Variants in COP1 observed in about 807,000 individuals in gnomAD.
COP1 encodes the protein E3 ubiquitin-protein ligase COP1.
A neutral mutation model predicts 101.3 loss-of-function variants in COP1; 24 were observed. That is an observed-to-expected ratio of 0.24 (90% CI 0.17 to 0.33). The LOEUF is 0.33. Among genes scored for constraint, COP1 ranks in the 10% least tolerant of loss-of-function variants. COP1 has a pLI of 1.00. For synonymous variants in COP1, 347 were observed against 341.9 expected (o/e 1.01, Z -0.17); for missense variants, 663 against 906.2 (o/e 0.73, Z 3.45).
intron 18 of COP1, among the ~76,000 whole-genome samples, chr1:175,973,653 A>G (rs1235072434): frequency 3.3e-5 from 5 of 152,222 alleles, no homozygotes; most frequent in East Asian, 1.9e-4. Flanking sequence ...AAATGTTCAA[A>G]TAACTTTGAA....
intron 11 of COP1, among the ~76,000 whole-genome samples, chr1:176,052,332 T>G (rs1672712786): frequency 6.6e-6 from 1 of 152,178 alleles, no homozygotes; most frequent in Non-Finnish European, 1.5e-5. Context: ...AATGACACAT[T>G]TTTCAGAATG....
chr1:176,135,341 G>A (rs1334142377), intron 7 of COP1, among the ~76,000 whole-genome samples: 1 of 151,928 alleles, frequency 6.6e-6, no homozygotes. Context: ...CATCATTAAT[G>A]AAGCCACCAC....
In COP1 at chr1:176,117,199, GCT is replaced by G. The variant is rs1411701382; in HGVS notation, c.969-520_969-519del. On this transcript the variant is annotated intron_variant, in intron 8 of 19. Coordinates refer to ENST00000367669, the MANE Select transcript of COP1 (RefSeq NM_022457.7). ...TATATATCATCTAGAGTCCCTCCCAGCTTCAAAATATTATAATCAAACCTCAT... is the reference window on the plus strand; with the variant it reads ...TATATATCATCTAGAGTCCCTCCCAGTCAAAATATTATAATCAAACCTCAT... Among the ~76,000 whole-genome samples, 4 of 152,170 alleles carry G rather than the reference GCT, an allele frequency of 2.6e-5. No individual in the cohort carries two copies. In the East Asian group the frequency reaches 7.7e-4, roughly 29 times the overall value.
intron 15 of COP1, among the ~76,000 whole-genome samples, chr1:176,015,851 G>A (rs1665533872): frequency 6.6e-6 from 1 of 152,164 alleles, no homozygotes; most frequent in South Asian, 2.1e-4. Flanking sequence ...GGTGGCAGAA[G>A]CCTTGGTGAA....
intron 1 of COP1, among the ~76,000 whole-genome samples, chr1:176,199,082 C>A (rs1290104090): frequency 6.6e-6 from 1 of 152,076 alleles, no homozygotes; most frequent in African/African-American, 2.4e-5. Context: ...CTTTGGGAGG[C>A]CGAGGCGTGG....
chr1:176,144,637 C>T (rs1267021273), intron 6 of COP1, among the ~76,000 whole-genome samples: 3 of 152,062 alleles, frequency 2.0e-5, no homozygotes, highest in African/African-American at 7.2e-5. Flanking sequence ...AGAACAGCAA[C>T]TTAATTCAAA....
chr1:176,104,902 A>G (rs1299028396), intron 9 of COP1, among the ~76,000 whole-genome samples: 1 of 152,198 alleles, frequency 6.6e-6, no homozygotes, highest in Non-Finnish European at 1.5e-5. Context: ...TCATTATATA[A>G]CAAAGTGATT....
rs180896946 is a variant in COP1 at position 176,060,191 on chromosome 1, T to G, written c.1278-13867A>C. 1.0e-3 allele frequency among the ~76,000 whole-genome samples: 159 copies of G among 152,356 alleles called. 1 individual carries two copies. The highest frequency in any genetic ancestry group is 3.7e-3 in the African/African-American group (154 of 41,584). ...AACTACTTTAAAAAAATTTACTTTC[T>G]TATTCCCTCTGGCTATCATTGAATA... is the stretch of plus-strand genomic sequence containing the variant. On this transcript the variant is annotated intron_variant, in intron 11 of 19. Coordinates refer to ENST00000367669, the MANE Select transcript of COP1 (RefSeq NM_022457.7).
rs73040924 is a variant in COP1, at chr1:176,073,859, T to A, written c.1277+7293A>T. ...TGACCAACATTATGTCATGCAATTT[T>A]ACAGTAAGAATAATTATCTCTTCTA... is the stretch of plus-strand genomic sequence containing the variant. On this transcript the variant is annotated intron_variant, in intron 11 of 19. Coordinates refer to ENST00000367669, the MANE Select transcript of COP1 (RefSeq NM_022457.7). Among the ~76,000 whole-genome samples the A allele has an allele frequency of 4.4e-3, 669 of 152,360 alleles. 3 individuals are homozygous for A. Among genetic ancestry groups the A allele is most frequent in the African/African-American group, 0.015 (608 of 41,582 alleles).
chr1:176,111,363 G>C (rs980160312), intron 9 of COP1, among the ~76,000 whole-genome samples: 1 of 151,956 alleles, frequency 6.6e-6, no homozygotes, highest in South Asian at 2.1e-4. Context: ...GCATGATCTT[G>C]GCTCACTGCA....
chr1:175,974,011 G>A (rs2148629658), intron 18 of COP1, among the ~76,000 whole-genome samples: 1 of 152,234 alleles, frequency 6.6e-6, no homozygotes, highest in Non-Finnish European at 1.5e-5. Context: ...AGAGGGAGGT[G>A]GGGGCCTGAT....
intron 18 of COP1, among the ~76,000 whole-genome samples, chr1:175,984,165 C>G (rs1395553805): frequency 4.6e-5 from 7 of 152,182 alleles, no homozygotes; most frequent in Admixed American, 4.6e-4. Flanking sequence ...TTCAGAGCAA[C>G]CCCTCCCATC....
intron 3 of COP1, among the ~76,000 whole-genome samples, chr1:176,168,292 C>T (rs1409625988): frequency 6.6e-6 from 1 of 151,432 alleles, no homozygotes; most frequent in Non-Finnish European, 1.5e-5. Context: ...CTCCTGACCT[C>T]GTGATCCGCC....
intron 15 of COP1, among the ~76,000 whole-genome samples, chr1:176,005,412 C>G (rs928943536): frequency 5.9e-5 from 9 of 152,006 alleles, no homozygotes; most frequent in South Asian, 2.1e-4. Flanking sequence ...TGTGTTTGGT[C>G]TTGCTTTTCT....
intron 18 of COP1, among the ~76,000 whole-genome samples, chr1:175,974,518 C>G (rs1483067219): frequency 6.6e-6 from 1 of 152,100 alleles, no homozygotes; most frequent in Non-Finnish European, 1.5e-5. Flanking sequence ...TCAGGTACGA[C>G]ACTCAGTTCA....
Position 176,002,151 on chromosome 1 carries a change from GC to G in COP1, c.1730-12673del, listed in dbSNP as rs144291074. On this transcript the variant is annotated intron_variant, in intron 15 of 19. Coordinates refer to ENST00000367669, the MANE Select transcript of COP1 (RefSeq NM_022457.7). ...TTCCATCCAATTTGCAAAAATACTG[GC>G]CATCATTTCTACAAATATTTTCTAC... is the stretch of plus-strand genomic sequence containing the variant. Among the ~76,000 whole-genome samples, 1,176 of 151,972 alleles carry G rather than the reference GC, an allele frequency of 7.7e-3. 13 individuals are homozygous for G. The highest frequency in any genetic ancestry group is 0.027 in the African/African-American group (1,121 of 41,468).
intron 6 of COP1, among the ~76,000 whole-genome samples, chr1:176,146,987 T>A (rs1413319244): frequency 6.6e-6 from 1 of 152,182 alleles, no homozygotes; most frequent in Non-Finnish European, 1.5e-5. Context: ...AAAAAGCATA[T>A]TTAACTTCTC....
chr1:176,153,752 G>A (rs183971089), intron 5 of COP1, among the ~76,000 whole-genome samples: 237 of 152,102 alleles, frequency 1.6e-3, no homozygotes, highest in Middle Eastern at 0.014. Flanking sequence ...ATTATTTTGC[G>A]GTATGTTCCT....
chr1:175,973,724 A>G (rs1653829317), intron 18 of COP1, among the ~76,000 whole-genome samples: 1 of 152,224 alleles, frequency 6.6e-6, no homozygotes, highest in African/African-American at 2.4e-5. Flanking sequence ...GTAAGTCTAG[A>G]TCAATCTAAT....
Sources: allele counts gnomAD v4.1 joint callset (sites outside exome capture counted in the v4.1 genomes callset), GRCh38; gene constraint gnomAD v4.1.1; transcripts MANE v1.5; gene names NCBI Gene and HGNC (gene_info 2026-07-23, HGNC 2026-07-21).